Variants in C1orf198 observed in about 807,000 individuals in gnomAD.
The protein encoded by C1orf198 is chromosome 1 open reading frame 198, also known as uncharacterized protein C1orf198.
Under a neutral mutation model 31.4 loss-of-function variants are expected in C1orf198, and 17 were observed. The observed-to-expected ratio is 0.54, with a 90% CI of 0.37 to 0.81. The LOEUF is 0.81. C1orf198 is among the 40% of genes least tolerant of loss of function. The probability of loss-of-function intolerance (pLI) is 0.00; values close to 1 mark genes in which losing one functional copy is unlikely to be tolerated. For synonymous variants in C1orf198, 175 were observed against 193.8 expected, an observed-to-expected ratio of 0.90 and a Z score of 0.81; for missense variants, 401 against 450.3, an observed-to-expected ratio of 0.89 and a Z score of 0.99.
At chr1:230,842,753 T>C (rs1304874487) in intron 3 of C1orf198, among the ~76,000 whole-genome samples, 1 of 144,950 alleles carries the variant, frequency 6.9e-6, no homozygotes, top group South Asian at 2.2e-4. Context: ...AAATAAAAAT[T>C]AAAAAAAAAA....
intron 1 of C1orf198, among the ~76,000 whole-genome samples, chr1:230,861,116 A>G (rs1218015913): frequency 6.6e-6 from 1 of 152,190 alleles, no homozygotes; most frequent in Non-Finnish European, 1.5e-5. Context: ...TGTTAAGGCA[A>G]TGGATCCCCT....
chr1:230,842,877 C>T (rs765722861), intron 3 of C1orf198, among the ~76,000 whole-genome samples: 5 of 152,336 alleles, frequency 3.3e-5, no homozygotes, highest in Middle Eastern at 3.4e-3. Context: ...AGGAGCCCAG[C>T]GAGGCCCACA....
chr1:230,846,390 C>A (rs1669588681), intron 2 of C1orf198, among the ~76,000 whole-genome samples: 1 of 152,228 alleles, frequency 6.6e-6, no homozygotes, highest in South Asian at 2.1e-4. Context: ...CTGTTCAGTC[C>A]TTTAAGTTTC....
intron 3 of C1orf198, 86 bp from the exon 4 acceptor site, chr1:230,839,994 G>T: frequency 2.4e-6 from 3 of 1,233,774 alleles, no homozygotes; most frequent in South Asian, 1.4e-5. Context: ...CATTTAAAAC[G>T]ACCCAGATAA....
At chr1:230,868,149 G>A in intron 1 of C1orf198, 31 bp downstream of exon 1, 1 of 1,388,320 alleles carries the variant, frequency 7.2e-7, no homozygotes. Context: ...GCCGGGAGGG[G>A]AAGAGGGTCC....
chr1:230,866,699 C>G (rs903060502), intron 1 of C1orf198, among the ~76,000 whole-genome samples: 2 of 152,156 alleles, frequency 1.3e-5, no homozygotes, highest in Non-Finnish European at 2.9e-5. Context: ...CATATTTATT[C>G]GTGACTCTTC....
chr1:230,844,612 C>T (rs573802729), intron 2 of C1orf198, among the ~76,000 whole-genome samples: 1 of 152,354 alleles, frequency 6.6e-6, no homozygotes, highest in East Asian at 1.9e-4. Flanking sequence ...GGCTCTCTGC[C>T]TGGTAAACAG....
At chr1:230,844,009 A>G (rs1399954590) in intron 2 of C1orf198, 113 bp from the exon 3 acceptor site, 1 of 1,136,428 alleles carries the variant, frequency 8.8e-7, no homozygotes. Flanking sequence ...CACCAGCCAC[A>G]CACGAGTTGT....
intron 2 of C1orf198, among the ~76,000 whole-genome samples, chr1:230,845,809 C>G (rs1669574700): frequency 6.6e-6 from 1 of 152,192 alleles, no homozygotes; most frequent in Non-Finnish European, 1.5e-5. Context: ...CACAACCCTT[C>G]CCTCCTCCCA....
At chr1:230,855,521 C>G in intron 2 of C1orf198, 147 bp downstream of exon 2, 1 of 809,600 alleles carries the variant, frequency 1.2e-6, no homozygotes, top group Non-Finnish European at 1.9e-6. Context: ...CCTCCCATCC[C>G]CTCCTTTTCT....
At chr1:230,846,532 G>A (rs1220039975) in intron 2 of C1orf198, among the ~76,000 whole-genome samples, 8 of 152,260 alleles carry the variant, frequency 5.3e-5, no homozygotes, top group Admixed American at 2.0e-4. Flanking sequence ...TGCTCTCTGA[G>A]TCTGAGATTT....
Position 230,840,443 on chromosome 1 carries a change from G to A in C1orf198, c.928-535C>T, listed in dbSNP as rs376128377. 1.3e-5 allele frequency among the ~76,000 whole-genome samples: 2 copies of A among 152,176 alleles called. No individual in the cohort carries two copies. The highest frequency in any genetic ancestry group is 1.9e-4 in the East Asian group (1 of 5,194). On this transcript the variant is annotated intron_variant, in intron 3 of 3. Coordinates refer to ENST00000366663, the MANE Select transcript of C1orf198 (RefSeq NM_032800.3). The surrounding 1 kb of genome is among the most constrained non-coding windows in gnomAD (Gnocchi z 4.0). ...TAAGCTCAGCCTCCGGGGCTCAAGCGATCCTCTTGCCTCGGCCTCCCACGT... is the reference window on the plus strand; with the variant it reads ...TAAGCTCAGCCTCCGGGGCTCAAGCAATCCTCTTGCCTCGGCCTCCCACGT...
In C1orf198 at chr1:230,868,199, A is replaced by G; in HGVS notation, c.314T>C (p.Val105Ala). 4 of 1,491,418 alleles carry G rather than the reference A, an allele frequency of 2.7e-6. No individual in the cohort carries two copies. Among genetic ancestry groups the G allele is most frequent in the Non-Finnish European group, 3.6e-6 (4 of 1,121,488 alleles). 92.4% of individuals were successfully genotyped at this position (1,491,418 alleles called of 1,614,324 possible). ...ACCTACCTCGTCCCCGAAGCGCACC[A>G]CCTTCTGGCCCGTGGGCCCGCGCAA... ...PGLRGPTGQK[V>A]VRFGDEDLTW... The change falls in exon 1 of 4, where the codon GTG (valine) becomes GCG (alanine). Residue 105 changes from valine to alanine, a missense_variant. Physicochemically the swap from Val to Ala is moderately conservative, Grantham distance 64. Transcript: ENST00000366663.
chr1:230,841,900 G>A (rs533439909), intron 3 of C1orf198, among the ~76,000 whole-genome samples: 4 of 152,294 alleles, frequency 2.6e-5, no homozygotes, highest in Admixed American at 6.5e-5. Flanking sequence ...AGTGTCTGTC[G>A]ATGGATGAGT....
In C1orf198 at chr1:230,840,619, C is replaced by T. The variant is rs532014778; in HGVS notation, c.928-711G>A. ...CTGTTTTCATAAAACTTCTGACTGGCTTCCACTCAGCAGCCTGTTTCTGAT... is the reference window on the plus strand; with the variant it reads ...CTGTTTTCATAAAACTTCTGACTGGTTTCCACTCAGCAGCCTGTTTCTGAT... On this transcript the variant is annotated intron_variant, in intron 3 of 3. Transcript: ENST00000366663. This position sits in a 1 kb window ranked among gnomAD's most constrained non-coding sequence, Gnocchi z 4.0. Among the ~76,000 whole-genome samples the T allele has an allele frequency of 2.6e-5, 4 of 152,324 alleles. No homozygotes were observed. In the East Asian group the frequency reaches 7.7e-4, roughly 29 times the overall value.
intron 2 of C1orf198, among the ~76,000 whole-genome samples, chr1:230,849,046 G>A (rs1389956563): frequency 1.3e-5 from 2 of 152,178 alleles, no homozygotes; most frequent in Non-Finnish European, 2.9e-5. Context: ...AAGACACACC[G>A]ACATGCAGAC....
chr1:230,863,566 T>C (rs1162461317), intron 1 of C1orf198, among the ~76,000 whole-genome samples: 5 of 152,220 alleles, frequency 3.3e-5, no homozygotes, highest in Non-Finnish European at 7.3e-5. Context: ...ATTTCTTTGC[T>C]AAACCTGTTC....
intron 1 of C1orf198, among the ~76,000 whole-genome samples, chr1:230,859,462 T>C (rs1669956373): frequency 6.6e-6 from 1 of 152,150 alleles, no homozygotes; most frequent in South Asian, 2.1e-4. Flanking sequence ...CCAGGACTTA[T>C]CCTCAGAGTC....
rs746964070 is a variant in C1orf198, at chr1:230,839,835, TATTTTTCTAATAC to T, written c.*4_*16del. 65 of 1,607,820 alleles carry T rather than the reference TATTTTTCTAATAC, an allele frequency of 4.0e-5. No individual in the cohort carries two copies. The highest frequency in any genetic ancestry group is 5.4e-5 in the Non-Finnish European group (64 of 1,176,910). On this transcript the variant is annotated 3_prime_UTR_variant, in exon 4 of 4. Transcript: ENST00000366663. ...GAAAACATTTTAGGGTTCTTCATTG[TATTTTTCTAATAC>T]ATTTTACCAATTGTCCAGAAAATCA...
Sources: gnomAD v4.1 joint callset for allele counts (sites outside exome capture counted in the v4.1 genomes callset) on GRCh38, gnomAD v4.1.1 for gene constraint, Gnocchi (gnomAD v3.1) non-coding constraint, MANE v1.5 for transcripts, NCBI Gene and HGNC (gene_info 2026-07-23, HGNC 2026-07-21) for gene names.